The following TMC3 variants were observed in gnomAD, a reference collection of about 807,000 sequenced individuals.
The protein encoded by TMC3 is transmembrane channel-like protein 3.
A neutral mutation model predicts 110.6 loss-of-function variants in TMC3; 98 were observed. The observed-to-expected ratio is 0.89, with a 90% confidence interval of 0.75 to 1.05. TMC3 has a LOEUF of 1.05. TMC3 is among the 50% of genes least tolerant of loss of function. The pLI, the probability that TMC3 is intolerant of heterozygous loss-of-function variation, is 0.00. For synonymous variants in TMC3, 489 were observed against 513.1 expected, an observed-to-expected ratio of 0.95 and a Z score of 0.63; for missense variants, 1,319 against 1,373.2, an observed-to-expected ratio of 0.96 and a Z score of 0.62.
intron 2 of TMC3, among the ~76,000 whole-genome samples, chr15:81,369,205 C>A (rs1447635933): frequency 6.6e-6 from 1 of 152,036 alleles, no homozygotes; most frequent in Non-Finnish European, 1.5e-5. Context: ...TCACAGCAAC[C>A]CCCAATAACA....
Position 81,358,551 on chromosome 15 carries a change from G to C in TMC3, c.502-51C>G. On this transcript the variant is annotated intron_variant, in intron 5 of 21. Coordinates refer to ENST00000359440, the MANE Select transcript of TMC3 (RefSeq NM_001080532.3). ...GTGGTCCTCTGGGTGGGAGGGGACC[G>C]GGAGAAAATGAGAGGTTGATCTCCA... is the stretch of plus-strand genomic sequence containing the variant. 2.1e-6 allele frequency: 3 copies of C among 1,449,476 alleles called. No homozygotes were observed. In the South Asian group the frequency reaches 3.8e-5, roughly 18 times the overall value. 89.8% of individuals were successfully genotyped at this position (1,449,476 alleles called of 1,614,324 possible).
At chr15:81,337,782 C>T in intron 19 of TMC3, 64 bp downstream of exon 19, 1 of 1,397,858 alleles carries the variant, frequency 7.2e-7, no homozygotes, top group South Asian at 1.2e-5. Flanking sequence ...TATTCCCACG[C>T]TGGCGGGATC....
At chr15:81,370,933 A>G (rs1200491973) in intron 2 of TMC3, among the ~76,000 whole-genome samples, 1 of 152,082 alleles carries the variant, frequency 6.6e-6, no homozygotes, top group African/African-American at 2.4e-5. Flanking sequence ...TTGGCCTCCC[A>G]AAGTTCTGGG....
Position 81,359,472 on chromosome 15 carries a change from C to T in TMC3, c.395-1G>A, listed in dbSNP as rs746096575. 1.3e-6 allele frequency: 2 copies of T among 1,566,790 alleles called. No individual in the cohort carries two copies. Among genetic ancestry groups the T allele is most frequent in the Non-Finnish European group, 1.7e-6 (2 of 1,156,574 alleles). On this transcript the variant is annotated splice_acceptor_variant, in intron 4 of 21. Transcript: ENST00000359440. LOFTEE classifies it high-confidence loss of function. ...GAGGCAACGCCAGATCCAAAATGACCTAAAGAAAGACAAGATAATGAGAAC... is the reference window on the plus strand; with the variant it reads ...GAGGCAACGCCAGATCCAAAATGACTTAAAGAAAGACAAGATAATGAGAAC...
rs1283497904 is a variant in TMC3, at chr15:81,331,300, G to A, written c.*1119C>T. ...CTATACTACATGTTCCACATCCCTGGGAAACCATGTTTCTGCATCAACCTT... is the reference window on the plus strand; with the variant it reads ...CTATACTACATGTTCCACATCCCTGAGAAACCATGTTTCTGCATCAACCTT... On this transcript the variant is annotated 3_prime_UTR_variant, in exon 22 of 22. Transcript: ENST00000359440. 6.6e-6 allele frequency: 1 copy of A among 152,148 alleles called. No individual in the cohort carries two copies. The highest frequency in any genetic ancestry group is 2.4e-5 in the African/African-American group (1 of 41,424). The allele number at this position is 152,148 out of a possible 1,614,324, so 9.4% of individuals were successfully genotyped here.
chr15:81,334,937 G>A lies in TMC3; in HGVS notation c.2242C>T (p.Pro748Ser). The change falls in exon 21 of 22, where the codon CCA (proline) becomes TCA (serine). Residue 748 changes from proline (P) to serine (S), a missense_variant. Pro to Ser is a moderately conservative substitution (Grantham distance 74, BLOSUM62 -1). Transcript: ENST00000359440. ...TGGCTGGTAAGATCACTGTCGTTTG[G>A]AAGCTTCTTGGTGCTTTCTTCCTGG... ...QTQEESTKKLPNDSDLTSQLS... is the reference protein window; with the variant it reads ...QTQEESTKKLSNDSDLTSQLS... 1.2e-6 allele frequency: 2 copies of A among 1,614,040 alleles called. No homozygotes were observed. Among genetic ancestry groups the A allele is most frequent in the Non-Finnish European group, 1.7e-6 (2 of 1,179,896 alleles).
chr15:81,333,717 G>A (rs992251290), intron 21 of TMC3, among the ~76,000 whole-genome samples: 2 of 152,122 alleles, frequency 1.3e-5, no homozygotes, highest in African/African-American at 2.4e-5. Flanking sequence ...GGCCAGGTAC[G>A]GTGGTTCACA....
At position 81,338,715 on chromosome 15, in the gene TMC3, C is replaced by T. The variant is rs752439137; in HGVS notation, c.2021G>A (p.Gly674Asp). 3 of 1,613,880 alleles carry T rather than the reference C, an allele frequency of 1.9e-6. No homozygotes were observed. Among genetic ancestry groups the T allele is most frequent in the Non-Finnish European group, 2.5e-6 (3 of 1,179,888 alleles). Reference protein sequence around the residue: ...TIEKDFPVWFGSVVGHISSPV... With the variant: ...TIEKDFPVWFDSVVGHISSPV... ...GCTACTGATGTGTCCAACCACGGAG[C>T]CAAACCACACAGGAAAGTCTTTCTC... Residue 674 changes from glycine to aspartate, a missense_variant, in exon 18 of 22, where the codon GGC becomes GAC. Coordinates refer to ENST00000359440, the MANE Select transcript of TMC3 (RefSeq NM_001080532.3).
chr15:81,344,020 T>G lies in TMC3; in HGVS notation c.1544A>C (p.Asp515Ala). 1 of 1,611,830 alleles carries G rather than the reference T, an allele frequency of 6.2e-7. No individual in the cohort carries two copies. The highest frequency in any genetic ancestry group is 8.5e-7 in the Non-Finnish European group (1 of 1,179,144). The change falls in exon 14 of 22, where the codon GAC becomes GCC. Residue 515 changes from aspartate to alanine, a missense_variant. Asp to Ala is a moderately radical substitution (Grantham distance 126). Coordinates refer to ENST00000359440, the MANE Select transcript of TMC3 (RefSeq NM_001080532.3). ...GQEMLKLSII[D>A]MLFTVASILL... ...AATGCTCGCCACGGTGAAGAGCATG[T>G]CAATGATGGAGAGCTTCAGCATCTC...
In TMC3 at chr15:81,344,902, C is replaced by A; in HGVS notation, c.1382G>T (p.Gly461Val). 6.2e-7 allele frequency: 1 copy of A among 1,613,914 alleles called. No individual in the cohort carries two copies. Among genetic ancestry groups the A allele is most frequent in the Middle Eastern group, 1.6e-4 (1 of 6,062 alleles). ...GGCCCATGTGTTGTTTCTCCTGAGC[C>A]CCATTCCAGGCCGAGATGTGGACCA... Reference protein sequence around the residue: ...EKWSTSRPGMGLRRNNTWALE... With the variant: ...EKWSTSRPGMVLRRNNTWALE... The change falls in exon 13 of 22, where the codon GGG becomes GTG. Residue 461 changes from glycine (G) to valine (V), a missense_variant. By Grantham distance (109) the Gly-to-Val change is moderately radical. Coordinates refer to ENST00000359440, the MANE Select transcript of TMC3 (RefSeq NM_001080532.3).
intron 10 of TMC3, among the ~76,000 whole-genome samples, chr15:81,351,275 T>C (rs6495565): frequency 0.16 from 23,784 of 151,812 alleles, 3,567 homozygotes; most frequent in African/African-American, 0.4. Context: ...TAAAGTTTTT[T>C]CCTAGAGATA....
Position 81,356,454 on chromosome 15 carries a change from C to G in TMC3, c.884G>C (p.Ser295Thr), listed in dbSNP as rs762497910. 1.3e-6 allele frequency: 2 copies of G among 1,567,306 alleles called. No individual in the cohort carries two copies. Among genetic ancestry groups the G allele is most frequent in the South Asian group, 2.4e-5 (2 of 84,910 alleles). The change falls in exon 8 of 22, where the codon AGC (serine) becomes ACC (threonine). Residue 295 changes from serine to threonine, a missense_variant. Transcript: ENST00000359440. ...AESKTAAIVN[S>T]IREAILEEQE... ...ACAGGCTCACTCACTCACCCTGATG[C>G]TGTTCACTATGGCAGCTGTTTTGCT...
At position 81,332,386 on chromosome 15, in the gene TMC3, C is replaced by A; in HGVS notation, c.*33G>T. The A allele has an allele frequency of 6.4e-7, 1 of 1,561,158 alleles. No homozygotes were observed. Among genetic ancestry groups the A allele is most frequent in the Non-Finnish European group, 8.7e-7 (1 of 1,151,148 alleles). On this transcript the variant is annotated 3_prime_UTR_variant, in exon 22 of 22. Transcript: ENST00000359440. Reference sequence around the variant, plus strand: ...TGCTGGCCCAGCACTCCAACAGGGGCCTGACCTCTAGGAACGGGACACTGG... The same window carrying A: ...TGCTGGCCCAGCACTCCAACAGGGGACTGACCTCTAGGAACGGGACACTGG...
rs751355324 is a variant in TMC3, at chr15:81,339,491, A to G, written c.1858T>C (p.Tyr620His). The G allele has an allele frequency of 5.0e-6, 8 of 1,601,916 alleles. No homozygotes were observed. In the African/African-American group the frequency reaches 1.1e-4, roughly 21 times the overall value. The change falls in exon 17 of 22, where the codon TAC (tyrosine) becomes CAC (histidine). Residue 620 changes from tyrosine to histidine, a missense_variant. Physicochemically the swap from Tyr to His is moderately conservative, Grantham distance 83. Transcript: ENST00000359440. ...VFRASRSNNF[Y>H]LAMLLFMLFL... is the part of the protein sequence containing the mutation. Reference sequence around the variant, plus strand: ...AGCATAAACAGGAGCATTGCCAAGTAGAAGTTGTTGGATCTGCAGATAAAT... The same window carrying G: ...AGCATAAACAGGAGCATTGCCAAGTGGAAGTTGTTGGATCTGCAGATAAAT...
intron 10 of TMC3, 53 bp downstream of exon 10, chr15:81,351,641 T>C: frequency 1.3e-6 from 2 of 1,545,878 alleles, no homozygotes; most frequent in Non-Finnish European, 1.7e-6. Flanking sequence ...CATCAGCCAC[T>C]GTGCCCAGCT....
Position 81,332,154 on chromosome 15 carries a change from T to G in TMC3, c.*265A>C. On this transcript the variant is annotated 3_prime_UTR_variant, in exon 22 of 22. Coordinates refer to ENST00000359440, the MANE Select transcript of TMC3 (RefSeq NM_001080532.3). ...AAATTCTTTCTTCCGAGGAGGCAAG[T>G]ATTGAGATTGCTGCAGACCCGTGAT... 1 of 400,132 alleles carries G rather than the reference T, an allele frequency of 2.5e-6. No individual in the cohort carries two copies. The highest frequency in any genetic ancestry group is 4.4e-6 in the Non-Finnish European group (1 of 225,004). 24.8% of individuals were successfully genotyped at this position (400,132 alleles called of 1,614,324 possible).
Position 81,336,669 on chromosome 15 carries a change from T to G in TMC3, c.2161-18A>C, listed in dbSNP as rs768422580. 6.2e-7 allele frequency: 1 copy of G among 1,613,762 alleles called. No homozygotes were observed. The highest frequency in any genetic ancestry group is 2.2e-5 in the East Asian group (1 of 44,880). ...GATCTTGCCTAAAATGCAAATGATA[T>G]GCATGTTTGTTTTGGCTTTAGCAGG... On this transcript the variant is annotated intron_variant, in intron 19 of 21. Coordinates refer to ENST00000359440, the MANE Select transcript of TMC3 (RefSeq NM_001080532.3).
chr15:81,347,587 G>A (rs749978585), intron 11 of TMC3, among the ~76,000 whole-genome samples: 1 of 152,198 alleles, frequency 6.6e-6, no homozygotes, highest in Non-Finnish European at 1.5e-5. Context: ...TGCTGTCTTG[G>A]CATTACCATC....
In TMC3 at chr15:81,336,622, G is replaced by A. The variant is rs779487401; in HGVS notation, c.2190C>T (p.Ala730=). ...NARSEDKKKV[A]QMVEARIQTQ... ...GGAAATACTTACCTTCTACCATCTG[G>A]GCAACCTTTTTCTTATCCTCTGATC... is the stretch of plus-strand genomic sequence containing the variant. The change falls in exon 20 of 22, where the codon GCC becomes GCT. Residue 730 remains alanine, a synonymous_variant. Transcript: ENST00000359440. The A allele has an allele frequency of 3.0e-5, 48 of 1,613,654 alleles. No homozygotes were observed. The highest frequency in any genetic ancestry group is 3.7e-5 in the Non-Finnish European group (44 of 1,179,852).
Sources: gnomAD v4.1 joint callset for allele counts (sites outside exome capture counted in the v4.1 genomes callset) on GRCh38, gnomAD v4.1.1 for gene constraint, MANE v1.5 for transcripts, NCBI Gene and HGNC (gene_info 2026-07-23, HGNC 2026-07-21) for gene names.